The following ACOX2 variants were observed in gnomAD, a reference collection of about 807,000 sequenced individuals.
The protein encoded by ACOX2 is acyl-CoA oxidase 2, also known as peroxisomal acyl-coenzyme A oxidase 2.
A neutral mutation model predicts 77.5 loss-of-function variants in ACOX2; 59 were observed. The observed-to-expected ratio is 0.76, with a 90% CI of 0.62 to 0.95. ACOX2 has a LOEUF of 0.95. ACOX2 is among the 40% of genes least tolerant of loss of function. The pLI, the probability that ACOX2 is intolerant of heterozygous loss-of-function variation, is 0.00. For missense variants in ACOX2, 837 were observed against 880.4 expected (o/e 0.95, Z 0.62); for synonymous variants, 317 against 340.1 (o/e 0.93, Z 0.75).
chr3:58,533,809 C>A lies in ACOX2; in HGVS notation c.475+185G>T, dbSNP rs2063458182. Reference sequence around the variant, plus strand: ...TGACTTGCCCCACTGGGAGCTCATACAATACGTGCAAATTAGAAGGTGGCA... The same window carrying A: ...TGACTTGCCCCACTGGGAGCTCATAAAATACGTGCAAATTAGAAGGTGGCA... On this transcript the variant is annotated intron_variant, in intron 4 of 14. Transcript: ENST00000302819. The surrounding 1 kb of genome is among the most constrained non-coding windows in gnomAD (Gnocchi z 5.6). The A allele has an allele frequency of 1.3e-6, 1 of 786,926 alleles. No homozygotes were observed. Among genetic ancestry groups the A allele is most frequent in the Non-Finnish European group, 2.0e-6 (1 of 503,658 alleles). The allele number at this position is 786,926 out of a possible 1,614,324, so 48.7% of individuals were successfully genotyped here. A position where few individuals can be genotyped will look rare whatever the true frequency, so the allele number is the denominator to read the frequency against.
In ACOX2 at chr3:58,519,050, C is replaced by G. The variant is rs981007527; in HGVS notation, c.1633-1627G>C. On this transcript the variant is annotated intron_variant, in intron 12 of 14. Coordinates refer to ENST00000302819, the MANE Select transcript of ACOX2 (RefSeq NM_003500.4). The surrounding 1 kb of genome is among the most constrained non-coding windows in gnomAD (Gnocchi z 5.0). Reference sequence around the variant, plus strand: ...TTTCTAACAAGGTCCCCTGTGATGCCCATGCTGCTGTAGTGATTTTCAGTA... The same window carrying G: ...TTTCTAACAAGGTCCCCTGTGATGCGCATGCTGCTGTAGTGATTTTCAGTA... 6.6e-6 allele frequency among the ~76,000 whole-genome samples: 1 copy of G among 152,044 alleles called. No individual in the cohort carries two copies. The highest frequency in any genetic ancestry group is 1.5e-5 in the Non-Finnish European group (1 of 68,022).
At chr3:58,536,213 C>T (rs894407179) in intron 1 of ACOX2, among the ~76,000 whole-genome samples, 14 of 152,120 alleles carry the variant, frequency 9.2e-5, no homozygotes, top group African/African-American at 1.7e-4. Context: ...TCAGCTCCCT[C>T]GTTCCCTGGG....
At chr3:58,510,035 T>G (rs964894841) in intron 13 of ACOX2, among the ~76,000 whole-genome samples, 2 of 152,172 alleles carry the variant, frequency 1.3e-5, no homozygotes, top group African/African-American at 4.8e-5. Context: ...AGGTAAAGAT[T>G]TATATTTATC....
Position 58,517,195 on chromosome 3 carries a change from C to G in ACOX2, c.1850+11G>C. On this transcript the variant is annotated intron_variant, in intron 13 of 14. Transcript: ENST00000302819. Reference sequence around the variant, plus strand: ...TGAAGACTAACATGGTTTGAAGTCTCTGCCACTCACCGGATCAGGCGGAGC... The same window carrying G: ...TGAAGACTAACATGGTTTGAAGTCTGTGCCACTCACCGGATCAGGCGGAGC... 6.2e-7 allele frequency: 1 copy of G among 1,612,932 alleles called. No individual in the cohort carries two copies. Among genetic ancestry groups the G allele is most frequent in the South Asian group, 1.1e-5 (1 of 90,974 alleles).
At position 58,534,260 on chromosome 3, in the gene ACOX2, A is replaced by G; in HGVS notation, c.323+100T>C. ...CACCTAGCATCCTGGTTTCCCAACAAGTCTTCCCTTTGTTGGGGGAAATGG... is the reference window on the plus strand; with the variant it reads ...CACCTAGCATCCTGGTTTCCCAACAGGTCTTCCCTTTGTTGGGGGAAATGG... On this transcript the variant is annotated intron_variant, in intron 3 of 14. Coordinates refer to ENST00000302819, the MANE Select transcript of ACOX2 (RefSeq NM_003500.4). The surrounding 1 kb of genome is among the most constrained non-coding windows in gnomAD (Gnocchi z 4.8). The G allele has an allele frequency of 1.3e-6, 2 of 1,577,608 alleles. No individual in the cohort carries two copies. Among genetic ancestry groups the G allele is most frequent in the Non-Finnish European group, 1.7e-6 (2 of 1,163,910 alleles).
rs577348088 is a variant in ACOX2 at position 58,535,183 on chromosome 3, G to T, written c.-77C>A. 1.3e-6 allele frequency: 2 copies of T among 1,581,652 alleles called. No individual in the cohort carries two copies. Among genetic ancestry groups the T allele is most frequent in the Admixed American group, 3.3e-5 (2 of 59,732 alleles). ...CTCCGAGGGTCTGCTCTCAGCATTG[G>T]TCAGTGCAAAGAACCTGTGTGCAAG... On this transcript the variant is annotated 5_prime_UTR_variant, in exon 2 of 15. Transcript: ENST00000302819. This position sits in a 1 kb window ranked among gnomAD's most constrained non-coding sequence, Gnocchi z 4.8.
chr3:58,523,865 C>T lies in ACOX2; in HGVS notation c.1526+561G>A, dbSNP rs1477224324. Among the ~76,000 whole-genome samples, 1 of 152,126 alleles carries T rather than the reference C, an allele frequency of 6.6e-6. No homozygotes were observed. Among genetic ancestry groups the T allele is most frequent in the Non-Finnish European group, 1.5e-5 (1 of 68,038 alleles). Reference sequence around the variant, plus strand: ...TGGTCAGGACCTCTCTATTCCCAGCCCCTGGCACATTTGTTCATTCCTAAC... The same window carrying T: ...TGGTCAGGACCTCTCTATTCCCAGCTCCTGGCACATTTGTTCATTCCTAAC... On this transcript the variant is annotated intron_variant, in intron 11 of 14. Transcript: ENST00000302819. This position sits in a 1 kb window ranked among gnomAD's most constrained non-coding sequence, Gnocchi z 5.3.
rs992044481 is a variant in ACOX2 at position 58,525,526 on chromosome 3, C to T, written c.1347-921G>A. 6.6e-6 allele frequency among the ~76,000 whole-genome samples: 1 copy of T among 152,230 alleles called. No individual in the cohort carries two copies. Among genetic ancestry groups the T allele is most frequent in the African/African-American group, 2.4e-5 (1 of 41,530 alleles). On this transcript the variant is annotated intron_variant, in intron 10 of 14. Coordinates refer to ENST00000302819, the MANE Select transcript of ACOX2 (RefSeq NM_003500.4). The surrounding 1 kb of genome is among the most constrained non-coding windows in gnomAD (Gnocchi z 5.0). Reference sequence around the variant, plus strand: ...GTGCAGGCTCTGCACCAAGCTTAGGCGATGCTAAAGCGAGCAAGGTAGGGG... The same window carrying T: ...GTGCAGGCTCTGCACCAAGCTTAGGTGATGCTAAAGCGAGCAAGGTAGGGG...
In ACOX2 at chr3:58,524,362, A is replaced by G; in HGVS notation, c.1526+64T>C. On this transcript the variant is annotated intron_variant, in intron 11 of 14. Transcript: ENST00000302819. This position sits in a 1 kb window ranked among gnomAD's most constrained non-coding sequence, Gnocchi z 5.5. ...ACGAATGTCCACCCAACCAATCCAA[A>G]GGCCCTAGTGTGGCATGGAGCCTGT... 1 of 1,558,120 alleles carries G rather than the reference A, an allele frequency of 6.4e-7. No homozygotes were observed. The highest frequency in any genetic ancestry group is 1.2e-5 in the South Asian group (1 of 84,976).
rs139786131 is a variant in ACOX2 at position 58,516,064 on chromosome 3, G to A, written c.1850+1142C>T. 2.2e-4 allele frequency among the ~76,000 whole-genome samples: 33 copies of A among 151,784 alleles called. No individual in the cohort carries two copies. The East Asian group carries it at 5.6e-3, about 26-fold the overall frequency. On this transcript the variant is annotated intron_variant, in intron 13 of 14. Transcript: ENST00000302819. ...GTTTTGATATGTTTTTAAAGCAATCGTTTAGATTATAGAATAATAGTGTGA... is the reference window on the plus strand; with the variant it reads ...GTTTTGATATGTTTTTAAAGCAATCATTTAGATTATAGAATAATAGTGTGA...
chr3:58,525,012 G>C lies in ACOX2; in HGVS notation c.1347-407C>G, dbSNP rs2063384683. ...TAACAGGAGTAGGAGGATTATAGGT[G>C]ACTCTCAACTGCTGCTTTAGGATAA... On this transcript the variant is annotated intron_variant, in intron 10 of 14. Coordinates refer to ENST00000302819, the MANE Select transcript of ACOX2 (RefSeq NM_003500.4). The surrounding 1 kb of genome is among the most constrained non-coding windows in gnomAD (Gnocchi z 5.0). Among the ~76,000 whole-genome samples, 1 of 152,224 alleles carries C rather than the reference G, an allele frequency of 6.6e-6. No homozygotes were observed. Among genetic ancestry groups the C allele is most frequent in the Non-Finnish European group, 1.5e-5 (1 of 68,032 alleles).
At chr3:58,520,072 A>G (rs913920808) in intron 12 of ACOX2, among the ~76,000 whole-genome samples, 1 of 152,204 alleles carries the variant, frequency 6.6e-6, no homozygotes, top group Non-Finnish European at 1.5e-5. Context: ...CCACGCTCTG[A>G]GCACAGTGAA....
intron 13 of ACOX2, 76 bp from the exon 14 acceptor site, chr3:58,509,101 C>T (rs1426142838): frequency 1.3e-6 from 2 of 1,500,522 alleles, no homozygotes; most frequent in South Asian, 1.2e-5. Flanking sequence ...TGGTGAATAA[C>T]AATACCTAAT....
chr3:58,527,519 G>C (rs2063404731), intron 9 of ACOX2, among the ~76,000 whole-genome samples: 1 of 129,148 alleles, frequency 7.7e-6, no homozygotes. Context: ...CTGGGTGACA[G>C]AGTGAGACTG....
At position 58,526,671 on chromosome 3, in the gene ACOX2, A is replaced by AG; in HGVS notation, c.1156-16dup. Reference sequence around the variant, plus strand: ...AGTGCGTGGAGCTGTGAGAACATGGAGGGGGGTTGGGCGGTGTTAGGGGGC... The same window carrying AG: ...AGTGCGTGGAGCTGTGAGAACATGGAGGGGGGGTTGGGCGGTGTTAGGGGGC... On this transcript the variant is annotated splice_polypyrimidine_tract_variant and intron_variant, in intron 9 of 14. Transcript: ENST00000302819. This position sits in a 1 kb window ranked among gnomAD's most constrained non-coding sequence, Gnocchi z 4.3. 1 of 1,611,312 alleles carries AG rather than the reference A, an allele frequency of 6.2e-7. No individual in the cohort carries two copies. The highest frequency in any genetic ancestry group is 1.1e-5 in the South Asian group (1 of 90,704).
chr3:58,530,702 C>A, intron 7 of ACOX2, 64 bp from the exon 8 acceptor site: 2 of 1,528,916 alleles, frequency 1.3e-6, no homozygotes, highest in South Asian at 1.2e-5. Flanking sequence ...CTCGCTTCTC[C>A]AGAGCTGTGG....
Position 58,534,504 on chromosome 3 carries a change from T to A in ACOX2, c.179A>T (p.Tyr60Phe), listed in dbSNP as rs2063466378. 2 of 1,614,144 alleles carry A rather than the reference T, an allele frequency of 1.2e-6. No homozygotes were observed. Among genetic ancestry groups the A allele is most frequent in the Non-Finnish European group, 1.7e-6 (2 of 1,180,042 alleles). ...ATTGTCCTTACAGCTAAACTCCGGG[T>A]AACTGTGGATGATGCTCTCTGCAGA... Reference protein sequence around the residue: ...RRKVESIIHSYPEFSCKDNYF... With the variant: ...RRKVESIIHSFPEFSCKDNYF... The change falls in exon 3 of 15, where the codon TAC (tyrosine) becomes TTC (phenylalanine). Residue 60 changes from tyrosine to phenylalanine, a missense_variant. By Grantham distance (22) the Tyr-to-Phe change is conservative (BLOSUM62 3). Transcript: ENST00000302819. The surrounding 1 kb of genome is among the most constrained non-coding windows in gnomAD (Gnocchi z 4.8).
Position 58,531,757 on chromosome 3 carries a change from G to T in ACOX2, c.639C>A (p.Ala213=). Residue 213 remains alanine, a synonymous_variant, in exon 6 of 15, where the codon GCC becomes GCA. Coordinates refer to ENST00000302819, the MANE Select transcript of ACOX2 (RefSeq NM_003500.4). The surrounding 1 kb of genome is among the most constrained non-coding windows in gnomAD (Gnocchi z 5.8). ...LVQAQLICSG[A]RRGMHAFIVP... is the part of the protein sequence containing the mutation. ...CAATAAAAGCGTGCATGCCCCGCCT[G>T]GCTCCTGAGCAGATCAGCTGGGCCT... 1 of 1,614,228 alleles carries T rather than the reference G, an allele frequency of 6.2e-7. No homozygotes were observed. Among genetic ancestry groups the T allele is most frequent in the Non-Finnish European group, 8.5e-7 (1 of 1,180,030 alleles).
At chr3:58,509,133 CT>C in intron 13 of ACOX2, 108 bp from the exon 14 acceptor site, 1 of 1,319,928 alleles carries the variant, frequency 7.6e-7, no homozygotes, top group South Asian at 1.4e-5. Flanking sequence ...TGATTATTCG[CT>C]TTTCAAACAA....
Sources: gnomAD v4.1 joint callset for allele counts (sites outside exome capture counted in the v4.1 genomes callset) on GRCh38, gnomAD v4.1.1 for gene constraint, Gnocchi (gnomAD v3.1) non-coding constraint, MANE v1.5 for transcripts, NCBI Gene and HGNC (gene_info 2026-07-23, HGNC 2026-07-21) for gene names.